Variants in SLC9C2 observed in about 807,000 individuals in gnomAD.
SLC9C2 encodes the protein solute carrier family 9 member C2 (putative).
Under a neutral mutation model 140.2 loss-of-function variants are expected in SLC9C2, and 75 were observed. The ratio of observed to expected loss-of-function variants is 0.53; its 90% confidence interval spans 0.44 to 0.65. The LOEUF (loss-of-function observed/expected upper bound fraction) is 0.65, where lower values mean the gene tolerates loss of function less well. SLC9C2 is among the 30% of genes least tolerant of loss of function. SLC9C2 has a pLI of 0.00. For missense variants in SLC9C2, 1,074 were observed against 1,331.8 expected (o/e 0.81, Z 3.01); for synonymous variants, 375 against 420.9 (o/e 0.89, Z 1.34).
At chr1:173,549,250 GTTTAAC>G (rs1663082214) in intron 11 of SLC9C2, among the ~76,000 whole-genome samples, 1 of 152,150 alleles carries the variant, frequency 6.6e-6, no homozygotes, top group African/African-American at 2.4e-5. Context: ...AAACGTTTCA[GTTTAAC>G]TTTATTTCAC....
intron 13 of SLC9C2, among the ~76,000 whole-genome samples, chr1:173,547,109 T>A (rs1450214283): frequency 6.6e-6 from 1 of 152,146 alleles, no homozygotes; most frequent in East Asian, 1.9e-4. Flanking sequence ...ACAATTCATA[T>A]TTTATATACA....
chr1:173,548,324 C>T (rs1417567085), intron 12 of SLC9C2, 65 bp downstream of exon 12: 1 of 1,486,146 alleles, frequency 6.7e-7, no homozygotes. Flanking sequence ...TAACAATAGG[C>T]TAAAGCAAGT....
intron 21 of SLC9C2, 36 bp from the exon 22 acceptor site, chr1:173,521,435 A>T (rs1223278603): frequency 8.8e-7 from 1 of 1,136,698 alleles, no homozygotes; most frequent in Non-Finnish European, 1.2e-6. Context: ...AGAAAAAGAG[A>T]GTCAACACAA....
chr1:173,530,515 C>T (rs946979965), intron 17 of SLC9C2, among the ~76,000 whole-genome samples: 1 of 152,086 alleles, frequency 6.6e-6, no homozygotes, highest in Non-Finnish European at 1.5e-5. Context: ...TAAGATCCTG[C>T]TTAGTTTTAT....
chr1:173,508,878 T>A (rs1160948563), intron 24 of SLC9C2, among the ~76,000 whole-genome samples: 1 of 152,176 alleles, frequency 6.6e-6, no homozygotes, highest in Admixed American at 6.5e-5. Context: ...CCACAAAGAT[T>A]TTGAAAAGGC....
At chr1:173,591,877 C>T (rs116097814) in intron 4 of SLC9C2, among the ~76,000 whole-genome samples, 1 of 152,024 alleles carries the variant, frequency 6.6e-6, no homozygotes, top group South Asian at 2.1e-4. Context: ...TAATTAAATC[C>T]TATTTGTTAA....
chr1:173,580,062 A>G (rs1665422585), intron 7 of SLC9C2, among the ~76,000 whole-genome samples: 1 of 152,212 alleles, frequency 6.6e-6, no homozygotes, highest in Non-Finnish European at 1.5e-5. Context: ...CTTTTCTGCA[A>G]TTATACAGGC....
chr1:173,536,973 C>T lies in SLC9C2; in HGVS notation c.1624G>A (p.Ala542Thr), dbSNP rs1472170833. 1.9e-6 allele frequency: 3 copies of T among 1,613,684 alleles called. No individual in the cohort carries two copies. The highest frequency in any genetic ancestry group is 1.7e-4 in the Middle Eastern group (1 of 6,044). ...EIEAARILIG[A>T]AKCYYSIQGK... ...TGGATGGAGTAATAGCATTTTGCTG[C>T]ACCAATTAATATCCGGGCTGCCTCT... The change falls in exon 14 of 28, where the codon GCA (alanine) becomes ACA (threonine). Residue 542 changes from alanine to threonine, a missense_variant. Transcript: ENST00000367714.
At chr1:173,584,920 TTAATGTGGACCTAATTTATA>T (rs1665762262) in intron 5 of SLC9C2, among the ~76,000 whole-genome samples, 1 of 152,166 alleles carries the variant, frequency 6.6e-6, no homozygotes, top group Non-Finnish European at 1.5e-5. Context: ...CTCTTTTGGC[TTAATGTGGACCTAATTTATA>T]TTAGTCCACA....
chr1:173,573,740 G>T (rs1031948215), intron 8 of SLC9C2, among the ~76,000 whole-genome samples: 1 of 152,154 alleles, frequency 6.6e-6, no homozygotes, highest in Non-Finnish European at 1.5e-5. Context: ...TCATCTCAAT[G>T]CTCTCTGCAC....
intron 19 of SLC9C2, 49 bp downstream of exon 19, chr1:173,526,614 T>G (rs766783528): frequency 7.2e-7 from 1 of 1,397,466 alleles, no homozygotes; most frequent in South Asian, 1.3e-5. Flanking sequence ...TATTAAATTA[T>G]AGGACAATAA....
chr1:173,511,439 T>C (rs1660051266), intron 23 of SLC9C2, among the ~76,000 whole-genome samples: 1 of 123,862 alleles, frequency 8.1e-6, no homozygotes. Flanking sequence ...TTTTCATATG[T>C]TTGTTGGCTA....
chr1:173,576,797 T>C (rs1254260106), intron 7 of SLC9C2, 37 bp from the exon 8 acceptor site: 1 of 1,278,310 alleles, frequency 7.8e-7, no homozygotes, highest in Admixed American at 1.9e-5. Flanking sequence ...TCAAATGCAA[T>C]GTATTCATAT....
intron 5 of SLC9C2, 82 bp downstream of exon 5, chr1:173,587,583 T>C: frequency 7.6e-7 from 1 of 1,319,912 alleles, no homozygotes; most frequent in Non-Finnish European, 1.0e-6. Context: ...GGGTGCACAA[T>C]TCATGCAAGA....
chr1:173,553,677 C>A (rs935739708), intron 11 of SLC9C2, among the ~76,000 whole-genome samples: 1 of 152,228 alleles, frequency 6.6e-6, no homozygotes, highest in Non-Finnish European at 1.5e-5. Flanking sequence ...TAATTGACTA[C>A]AGTATAGTGT....
chr1:173,580,306 T>C (rs1197743383), intron 7 of SLC9C2, among the ~76,000 whole-genome samples: 1 of 152,022 alleles, frequency 6.6e-6, no homozygotes, highest in Non-Finnish European at 1.5e-5. Context: ...ACATGACAGA[T>C]TATCTCATTA....
chr1:173,569,293 T>G (rs1274117055), intron 9 of SLC9C2, among the ~76,000 whole-genome samples: 3 of 151,940 alleles, frequency 2.0e-5, no homozygotes, highest in Non-Finnish European at 4.4e-5. Context: ...CATTCCTCAG[T>G]ATGTCACTTG....
intron 4 of SLC9C2, among the ~76,000 whole-genome samples, chr1:173,595,405 C>T (rs1232209413): frequency 6.6e-6 from 1 of 152,100 alleles, no homozygotes; most frequent in Non-Finnish European, 1.5e-5. Context: ...GATTTGACCC[C>T]CTTATTAAGG....
At chr1:173,550,452 A>ATTTATT (rs767649310) in intron 11 of SLC9C2, among the ~76,000 whole-genome samples, 2 of 145,560 alleles carry the variant, frequency 1.4e-5, no homozygotes, top group African/African-American at 5.2e-5. Flanking sequence ...TTATTTATTT[A>ATTTATT]TTTTTGAGGA....
Sources: gnomAD v4.1 joint callset for allele counts (sites outside exome capture counted in the v4.1 genomes callset) on GRCh38, gnomAD v4.1.1 for gene constraint, MANE v1.5 for transcripts, NCBI Gene and HGNC (gene_info 2026-07-23, HGNC 2026-07-21) for gene names.